Variants in NCK2 observed in about 807,000 individuals in gnomAD.
NCK2 encodes the protein NCK adaptor protein 2, also known as cytoplasmic protein NCK2.
In NCK2, 16 loss-of-function variants were observed where a neutral mutation model predicts 33.9. That is an observed-to-expected ratio of 0.47 (90% CI 0.32 to 0.72). NCK2 has a LOEUF of 0.72. Among genes scored for constraint, NCK2 ranks in the 30% least tolerant of loss-of-function variants. The pLI is 0.03. For synonymous variants in NCK2, 273 were observed against 239.9 expected (o/e 1.14, Z -1.27); for missense variants, 418 against 537.3 (o/e 0.78, Z 2.19).
intron 1 of NCK2, among the ~76,000 whole-genome samples, chr2:105,765,387 G>A (rs1404734678): frequency 1.3e-5 from 2 of 152,208 alleles, no homozygotes; most frequent in East Asian, 3.9e-4. Flanking sequence ...TCTGCCAGTA[G>A]TGCTCACGGA....
chr2:105,876,780 G>C (rs1573237576), intron 3 of NCK2, among the ~76,000 whole-genome samples: 1 of 152,196 alleles, frequency 6.6e-6, no homozygotes, highest in Non-Finnish European at 1.5e-5. Flanking sequence ...GAGATGTGTA[G>C]AAAAACTACA....
intron 4 of NCK2, among the ~76,000 whole-genome samples, chr2:105,885,864 T>C (rs1316436533): frequency 6.6e-6 from 1 of 152,244 alleles, no homozygotes; most frequent in Non-Finnish European, 1.5e-5. Flanking sequence ...GATTTATCTC[T>C]TGAAGTATAT....
intron 3 of NCK2, among the ~76,000 whole-genome samples, chr2:105,862,032 A>T (rs1473408976): frequency 6.6e-6 from 1 of 151,864 alleles, no homozygotes; most frequent in Admixed American, 6.6e-5. Flanking sequence ...GCAACCAGGG[A>T]AGGCAGCCCT....
intron 1 of NCK2, among the ~76,000 whole-genome samples, chr2:105,783,435 T>G (rs1558835065): frequency 6.6e-6 from 1 of 152,080 alleles, no homozygotes; most frequent in Non-Finnish European, 1.5e-5. Context: ...TGGTTTTTAT[T>G]TAGAGTAAAA....
chr2:105,784,500 A>G (rs193103300), intron 1 of NCK2, among the ~76,000 whole-genome samples: 1 of 152,308 alleles, frequency 6.6e-6, no homozygotes, highest in Non-Finnish European at 1.5e-5. Flanking sequence ...TTCAAGATAC[A>G]TTTGTGTTTC....
At chr2:105,858,064 T>TTG (rs1404167722) in intron 3 of NCK2, among the ~76,000 whole-genome samples, 2 of 151,756 alleles carry the variant, frequency 1.3e-5, no homozygotes, top group Non-Finnish European at 2.9e-5. Context: ...TTTTGTTTTT[T>TTG]TTTTTGCTAA....
intron 1 of NCK2, among the ~76,000 whole-genome samples, chr2:105,780,660 C>T (rs1407992227): frequency 6.6e-6 from 1 of 152,130 alleles, no homozygotes; most frequent in Non-Finnish European, 1.5e-5. Context: ...GATCCTACCC[C>T]CCAAGGTGAT....
At chr2:105,857,222 C>T (rs1401622506) in intron 3 of NCK2, 1 of 152,178 alleles carries the variant, frequency 6.6e-6, no homozygotes, top group Non-Finnish European at 1.5e-5. Context: ...CTATGAACCA[C>T]ATCTTCCGCC....
chr2:105,754,473 G>T (rs980362813), intron 1 of NCK2, among the ~76,000 whole-genome samples: 1 of 152,192 alleles, frequency 6.6e-6, no homozygotes, highest in South Asian at 2.1e-4. Context: ...AAGGATGTCT[G>T]CAAGTCAACA....
At chr2:105,889,023 A>G (rs537842168) in intron 4 of NCK2, among the ~76,000 whole-genome samples, 3 of 152,172 alleles carry the variant, frequency 2.0e-5, no homozygotes, top group African/African-American at 7.2e-5. Context: ...TTTTCATCCA[A>G]TTTCTTGAAA....
chr2:105,767,284 G>C (rs1056021551), intron 1 of NCK2, among the ~76,000 whole-genome samples: 9 of 152,192 alleles, frequency 5.9e-5, no homozygotes, highest in Non-Finnish European at 5.9e-5. Context: ...TCGTGACGTG[G>C]CCTACTTGGA....
chr2:105,859,511 A>G (rs1226482736), intron 3 of NCK2, among the ~76,000 whole-genome samples: 1 of 151,982 alleles, frequency 6.6e-6, no homozygotes, highest in African/African-American at 2.4e-5. Context: ...CAGCCCCAGA[A>G]CTCCTGCCTC....
At chr2:105,791,845 C>T (rs866878784) in intron 1 of NCK2, among the ~76,000 whole-genome samples, 1 of 152,138 alleles carries the variant, frequency 6.6e-6, no homozygotes, top group African/African-American at 2.4e-5. Context: ...ATATTTAACA[C>T]CCGAATAACT....
At chr2:105,835,393 A>ATATGTATATATATATATACGTATGTGTG (rs1553458580) in intron 2 of NCK2, among the ~76,000 whole-genome samples, 2 of 51,674 alleles carry the variant, frequency 3.9e-5, no homozygotes, top group African/African-American at 1.4e-4. Context: ...ATACACATAT[A>ATATGTATATATATATATACGTATGTGTG]TATATATATA....
chr2:105,893,010 C>G lies in NCK2; in HGVS notation c.977C>G (p.Ala326Gly). The change falls in exon 5 of 5, where the codon GCG becomes GGG. Residue 326 changes from alanine (A) to glycine (G), a missense_variant. By Grantham distance (60) the Ala-to-Gly change is moderately conservative. Transcript: ENST00000233154. ...AGCGACTTCTCCGTGTCCCTTAAAG[C>G]GTCAGGGAAGAACAAACACTTCAAG... ...SPSDFSVSLK[A>G]SGKNKHFKVQ... The G allele has an allele frequency of 6.2e-7, 1 of 1,613,326 alleles. No homozygotes were observed. Among genetic ancestry groups the G allele is most frequent in the East Asian group, 2.2e-5 (1 of 44,840 alleles).
At chr2:105,750,554 G>A (rs1300190893) in intron 1 of NCK2, among the ~76,000 whole-genome samples, 1 of 152,194 alleles carries the variant, frequency 6.6e-6, no homozygotes, top group African/African-American at 2.4e-5. Flanking sequence ...ACCAGGGATG[G>A]TTAGAGTAGT....
At position 105,893,282 on chromosome 2, in the gene NCK2, C is replaced by T. The variant is rs534160691; in HGVS notation, c.*106C>T. 78 of 1,114,442 alleles carry T rather than the reference C, an allele frequency of 7.0e-5. No individual in the cohort carries two copies. The highest frequency in any genetic ancestry group is 2.9e-4 in the East Asian group (11 of 38,428). 69.0% of individuals were successfully genotyped at this position (1,114,442 alleles called of 1,614,324 possible). Reference sequence around the variant, plus strand: ...GGGGACGGCCCCGACGGCTTCTCTGCGAGTCTCTCTTTATGTTCAGGTCGC... The same window carrying T: ...GGGGACGGCCCCGACGGCTTCTCTGTGAGTCTCTCTTTATGTTCAGGTCGC... On this transcript the variant is annotated 3_prime_UTR_variant, in exon 5 of 5. Transcript: ENST00000233154.
intron 1 of NCK2, among the ~76,000 whole-genome samples, chr2:105,778,322 C>T (rs994435731): frequency 6.6e-6 from 1 of 152,224 alleles, no homozygotes; most frequent in Non-Finnish European, 1.5e-5. Flanking sequence ...GAGGCTGGAG[C>T]CTTCAGGATC....
chr2:105,888,478 G>A (rs1209602264), intron 4 of NCK2, among the ~76,000 whole-genome samples: 1 of 152,176 alleles, frequency 6.6e-6, no homozygotes, highest in Non-Finnish European at 1.5e-5. Flanking sequence ...AAATCAAAGG[G>A]GAGATGTTTC....
Sources: gnomAD v4.1 joint callset for allele counts (sites outside exome capture counted in the v4.1 genomes callset) on GRCh38, gnomAD v4.1.1 for gene constraint, MANE v1.5 for transcripts, NCBI Gene and HGNC (gene_info 2026-07-23, HGNC 2026-07-21) for gene names.